The following HEPHL1 variants were observed in gnomAD, a reference collection of about 807,000 sequenced individuals.
HEPHL1 encodes the protein ferroxidase HEPHL1.
HEPHL1 carries 123 observed loss-of-function variants against 122.0 expected under a neutral mutation model. The ratio of observed to expected loss-of-function variants is 1.01; its 90% CI spans 0.87 to 1.17. The LOEUF is 1.17. Among genes scored for constraint, HEPHL1 ranks in the 50% most tolerant of loss-of-function variants. The pLI is 0.00. For missense variants in HEPHL1, 1,452 were observed against 1,430.5 expected (o/e 1.01, Z -0.24); for synonymous variants, 527 against 508.9 (o/e 1.04, Z -0.48).
At chr11:94,075,517 A>C (rs1368464614) in intron 9 of HEPHL1, 132 bp downstream of exon 9, 1 of 642,932 alleles carries the variant, frequency 1.6e-6, no homozygotes, top group East Asian at 2.7e-5. Context: ...AGATTTCTAC[A>C]TAATGGAGAT....
intron 1 of HEPHL1, among the ~76,000 whole-genome samples, chr11:94,044,969 G>A (rs1454448455): frequency 6.6e-6 from 1 of 151,966 alleles, no homozygotes; most frequent in Non-Finnish European, 1.5e-5. Context: ...AGGCTGGCAT[G>A]ATCATGGCTC....
At chr11:94,084,030 A>C (rs1946195739) in intron 10 of HEPHL1, among the ~76,000 whole-genome samples, 1 of 152,178 alleles carries the variant, frequency 6.6e-6, no homozygotes. Context: ...CATATTTAGA[A>C]ATACAATATA....
At chr11:94,061,809 T>C (rs551716672) in intron 2 of HEPHL1, among the ~76,000 whole-genome samples, 34 of 152,306 alleles carry the variant, frequency 2.2e-4, no homozygotes, top group African/African-American at 8.2e-4. Flanking sequence ...AAGACATAAT[T>C]CATTACATTA....
chr11:94,077,857 CTGGAA>C (rs1474939337), intron 9 of HEPHL1, among the ~76,000 whole-genome samples: 1 of 152,236 alleles, frequency 6.6e-6, no homozygotes. Context: ...CTCCTTATGC[CTGGAA>C]TGTCATCCCC....
chr11:94,044,574 C>T (rs1249906248), intron 1 of HEPHL1, among the ~76,000 whole-genome samples: 1 of 152,146 alleles, frequency 6.6e-6, no homozygotes, highest in African/African-American at 2.4e-5. Context: ...TCACTCCTCA[C>T]TTCCTAGACC....
intron 2 of HEPHL1, among the ~76,000 whole-genome samples, chr11:94,054,338 T>C (rs1945917137): frequency 6.6e-6 from 1 of 152,192 alleles, no homozygotes; most frequent in Admixed American, 6.5e-5. Flanking sequence ...GACTCAGATC[T>C]CAGTCTAGGG....
chr11:94,044,212 C>T (rs1347111457), intron 1 of HEPHL1, among the ~76,000 whole-genome samples: 2 of 152,048 alleles, frequency 1.3e-5, no homozygotes, highest in Non-Finnish European at 2.9e-5. Context: ...TTTCAGGCTT[C>T]CAGACACCAG....
At chr11:94,102,804 C>T in intron 14 of HEPHL1, 110 bp from the exon 15 acceptor site, 1 of 617,458 alleles carries the variant, frequency 1.6e-6, no homozygotes, top group Non-Finnish European at 2.8e-6. Flanking sequence ...GTAATTCTCT[C>T]CAGCAATAAA....
chr11:94,045,710 A>T lies in HEPHL1; in HGVS notation c.208A>T (p.Ile70Leu), dbSNP rs751570193. 1.2e-5 allele frequency: 19 copies of T among 1,612,218 alleles called. No homozygotes were observed. Among genetic ancestry groups the T allele is most frequent in the Non-Finnish European group, 1.5e-5 (18 of 1,179,008 alleles). Reference protein sequence around the residue: ...TLFLERGPNRIGSIYKKAVYR... With the variant: ...TLFLERGPNRLGSIYKKAVYR... ...ATTTCTCGAAAGAGGGCCCAACAGG[A>T]TAGGCAGTATTTACAAAAAGGCTGT... The change falls in exon 2 of 20, where the codon ATA (isoleucine) becomes TTA (leucine). Residue 70 changes from isoleucine (I) to leucine (L), a missense_variant. Physicochemically the swap from Ile to Leu is conservative, Grantham distance 5. Transcript: ENST00000315765.
chr11:94,067,820 C>T (rs1946046811), intron 5 of HEPHL1, 70 bp downstream of exon 5: 2 of 1,384,200 alleles, frequency 1.4e-6, no homozygotes, highest in East Asian at 2.3e-5. Flanking sequence ...CACTAGTGCT[C>T]ATCCAGTACC....
rs1591479028 is a variant in HEPHL1, at chr11:94,075,258, C to T, written c.1589C>T (p.Ala530Val). 1.2e-6 allele frequency: 2 copies of T among 1,613,550 alleles called. No homozygotes were observed. The highest frequency in any genetic ancestry group is 1.7e-4 in the Middle Eastern group (1 of 6,058). The change falls in exon 9 of 20, where the codon GCT (alanine) becomes GTT (valine). Residue 530 changes from alanine (A) to valine (V), a missense_variant. By Grantham distance (64) the Ala-to-Val change is moderately conservative. Transcript: ENST00000315765. ...GTGCCTGAGAGCGTAAGCCCAACTG[C>T]TGGTGATCCTCCCTGTCTGACCTAT... ...WTVPESVSPT[A>V]GDPPCLTYLY...
At chr11:94,098,663 A>G (rs1946340039) in intron 13 of HEPHL1, among the ~76,000 whole-genome samples, 2 of 152,224 alleles carry the variant, frequency 1.3e-5, no homozygotes, top group Non-Finnish European at 1.5e-5. Context: ...TCAGACGCAG[A>G]TTTGGTCTTT....
At position 94,102,955 on chromosome 11, in the gene HEPHL1, G is replaced by T. The variant is rs779789404; in HGVS notation, c.2617G>T (p.Gly873Cys). The T allele has an allele frequency of 6.2e-7, 1 of 1,608,596 alleles. No individual in the cohort carries two copies. The highest frequency in any genetic ancestry group is 1.1e-5 in the South Asian group (1 of 90,942). Residue 873 changes from glycine to cysteine, a missense_variant, in exon 15 of 20, where the codon GGT (glycine) becomes TGT (cysteine). Gly to Cys is a radical substitution (Grantham distance 159). Transcript: ENST00000315765. Reference protein sequence around the residue: ...TYRWNIPKRSGPGPSDPNCIP... With the variant: ...TYRWNIPKRSCPGPSDPNCIP... ...TAGATGGAATATCCCTAAAAGATCCGGTCCAGGGCCTTCTGATCCCAATTG... is the reference window on the plus strand; with the variant it reads ...TAGATGGAATATCCCTAAAAGATCCTGTCCAGGGCCTTCTGATCCCAATTG...
At chr11:94,032,179 C>T (rs983186508) in intron 1 of HEPHL1, among the ~76,000 whole-genome samples, 1 of 152,196 alleles carries the variant, frequency 6.6e-6, no homozygotes, top group African/African-American at 2.4e-5. Flanking sequence ...ATTTTATCCA[C>T]CCTGAAATGC....
chr11:94,103,273 CAA>C (rs755716566), intron 15 of HEPHL1, among the ~76,000 whole-genome samples: 175 of 44,290 alleles, frequency 4.0e-3, no homozygotes, highest in African/African-American at 0.013. Flanking sequence ...TTTTTTTTCC[CAA>C]AAAAAAAAAA....
chr11:94,086,258 C>T, intron 11 of HEPHL1, 69 bp downstream of exon 11: 1 of 1,189,996 alleles, frequency 8.4e-7, no homozygotes, highest in East Asian at 2.5e-5. Context: ...AGAGTTCTCC[C>T]ACAGAAGAAA....
intron 15 of HEPHL1, among the ~76,000 whole-genome samples, chr11:94,104,310 G>A (rs966153199): frequency 6.6e-5 from 10 of 152,090 alleles, no homozygotes; most frequent in African/African-American, 1.4e-4. Context: ...TGTAGGCCAC[G>A]GAAAATCACT....
chr11:94,089,194 A>AT (rs1946244639), intron 12 of HEPHL1, among the ~76,000 whole-genome samples: 1 of 152,156 alleles, frequency 6.6e-6, no homozygotes, highest in Non-Finnish European at 1.5e-5. Flanking sequence ...TGGTCATGGG[A>AT]TGCAGGGCGT....
At chr11:94,064,161 T>C (rs1946012605) in intron 3 of HEPHL1, among the ~76,000 whole-genome samples, 170 bp from the exon 4 acceptor site, 1 of 152,228 alleles carries the variant, frequency 6.6e-6, no homozygotes, top group Admixed American at 6.5e-5. Context: ...GACTTTTCTC[T>C]TCTATGGCTC....
Sources: gnomAD v4.1 joint callset for allele counts (sites outside exome capture counted in the v4.1 genomes callset) on GRCh38, gnomAD v4.1.1 for gene constraint, MANE v1.5 for transcripts, NCBI Gene and HGNC (gene_info 2026-07-23, HGNC 2026-07-21) for gene names.